The following AKT3 variants were observed in gnomAD, a reference collection of about 807,000 sequenced individuals.
The protein encoded by AKT3 is RAC-gamma serine/threonine-protein kinase.
AKT3 carries 15 observed loss-of-function variants against 65.3 expected under a neutral mutation model. The observed-to-expected ratio is 0.23, with a 90% CI of 0.15 to 0.35. The LOEUF is 0.35. AKT3 is among the 10% of genes least tolerant of loss of function. AKT3 has a pLI of 1.00. For missense variants in AKT3, 243 were observed against 576.5 expected, an observed-to-expected ratio of 0.42 and a Z score of 5.92; for synonymous variants, 206 against 183.8, an observed-to-expected ratio of 1.12 and a Z score of -0.98.
In AKT3 at chr1:243,504,302, C is replaced by A. The variant is rs983981409; in HGVS notation, c.*947G>T. 1 of 205,558 alleles carries A rather than the reference C, an allele frequency of 4.9e-6. No homozygotes were observed. Among genetic ancestry groups the A allele is most frequent in the South Asian group, 1.9e-4 (1 of 5,272 alleles). The allele number at this position is 205,558 out of a possible 1,614,324, so 12.7% of individuals were successfully genotyped here. ...CAACATCTGAGAAAAAGCTAATTCA[C>A]GTAGAACTGAAAGTAAAAAATTAAA... is the stretch of plus-strand genomic sequence containing the variant. On this transcript the variant is annotated 3_prime_UTR_variant, in exon 14 of 14. Coordinates refer to ENST00000673466, the MANE Select transcript of AKT3 (RefSeq NM_005465.7).
chr1:243,549,440 T>TA (rs945067273), intron 11 of AKT3, among the ~76,000 whole-genome samples: 29 of 151,988 alleles, frequency 1.9e-4, no homozygotes, highest in African/African-American at 6.5e-4. Context: ...ATATTCTTTT[T>TA]AAAAAAAAGA....
intron 2 of AKT3, among the ~76,000 whole-genome samples, chr1:243,707,202 G>A (rs1685858188): frequency 6.6e-6 from 1 of 152,148 alleles, no homozygotes; most frequent in South Asian, 2.1e-4. Context: ...TGTACAATAT[G>A]TTAGACTACA....
At chr1:243,611,546 T>C (rs1396782210) in intron 8 of AKT3, among the ~76,000 whole-genome samples, 5 of 152,030 alleles carry the variant, frequency 3.3e-5, no homozygotes, top group Non-Finnish European at 5.9e-5. Flanking sequence ...TAGCCAGGCA[T>C]GGTGATGCAT....
At chr1:243,811,036 A>T (rs887396246) in intron 2 of AKT3, among the ~76,000 whole-genome samples, 4 of 152,172 alleles carry the variant, frequency 2.6e-5, no homozygotes, top group African/African-American at 9.7e-5. Context: ...AAATAATAAG[A>T]GCTATTTATG....
intron 2 of AKT3, among the ~76,000 whole-genome samples, chr1:243,769,399 T>TGTACCA (rs1690031656): frequency 1.3e-5 from 2 of 152,218 alleles, no homozygotes; most frequent in South Asian, 4.1e-4. Context: ...CCAAAGCAGC[T>TGTACCA]GTACCATTTT....
chr1:243,827,206 T>C (rs1195234919), intron 2 of AKT3, among the ~76,000 whole-genome samples: 2 of 152,170 alleles, frequency 1.3e-5, no homozygotes, highest in Non-Finnish European at 2.9e-5. Context: ...AAGTGATAAC[T>C]CAGTAGTACA....
At chr1:243,505,486 A>G in intron 13 of AKT3, 152 bp from the exon 14 acceptor site, 1 of 615,168 alleles carries the variant, frequency 1.6e-6, no homozygotes, top group Admixed American at 3.0e-5. Context: ...TAGAGTAATT[A>G]TACTTCAAAA....
chr1:243,733,522 G>A (rs1251809028), intron 2 of AKT3, among the ~76,000 whole-genome samples: 1 of 152,048 alleles, frequency 6.6e-6, no homozygotes, highest in Non-Finnish European at 1.5e-5. Flanking sequence ...AATATTAAGT[G>A]AAAAAAGGAA....
intron 2 of AKT3, among the ~76,000 whole-genome samples, chr1:243,757,045 A>C (rs1253652269): frequency 2.6e-5 from 4 of 152,240 alleles, no homozygotes; most frequent in African/African-American, 9.6e-5. Context: ...AAAGCCATAA[A>C]AGGAAAGACT....
intron 12 of AKT3, among the ~76,000 whole-genome samples, chr1:243,523,487 A>G (rs1039866846): frequency 6.6e-6 from 1 of 152,208 alleles, no homozygotes; most frequent in African/African-American, 2.4e-5. Context: ...AAAAAGAAGT[A>G]TGTTTTTTGA....
At chr1:243,764,911 C>G (rs568819552) in intron 2 of AKT3, among the ~76,000 whole-genome samples, 1 of 152,040 alleles carries the variant, frequency 6.6e-6, no homozygotes, top group Non-Finnish European at 1.5e-5. Flanking sequence ...TGTATTTAAC[C>G]TTTTAATTAC....
intron 2 of AKT3, among the ~76,000 whole-genome samples, chr1:243,712,868 G>C (rs1221472417): frequency 6.6e-6 from 1 of 152,048 alleles, no homozygotes; most frequent in Non-Finnish European, 1.5e-5. Flanking sequence ...TGTCAAGAAT[G>C]TATCAGAAGG....
intron 3 of AKT3, among the ~76,000 whole-genome samples, chr1:243,665,340 C>A (rs1433954022): frequency 6.6e-6 from 1 of 152,132 alleles, no homozygotes; most frequent in African/African-American, 2.4e-5. Flanking sequence ...ATTACCATAT[C>A]CCTCATGTGT....
At chr1:243,755,555 G>C (rs188327738) in intron 2 of AKT3, among the ~76,000 whole-genome samples, 149 of 152,166 alleles carry the variant, frequency 9.8e-4, no homozygotes, top group African/African-American at 3.4e-3. Context: ...GATACATTTA[G>C]AGCTTCATGT....
In AKT3 at chr1:243,792,817, C is replaced by T. The variant is rs554483530; in HGVS notation, c.46+50308G>A. ...TAGAACTATTTTCCAATAATAAAGC[C>T]AAACATCAGCTATCAATCTAATAAT... is the stretch of plus-strand genomic sequence containing the variant. On this transcript the variant is annotated intron_variant, in intron 2 of 13. Transcript: ENST00000673466. Among the ~76,000 whole-genome samples, 5 of 152,274 alleles carry T rather than the reference C, an allele frequency of 3.3e-5. No individual in the cohort carries two copies. In the East Asian group the frequency reaches 7.7e-4, roughly 23 times the overall value.
chr1:243,690,234 C>T (rs922019322), intron 3 of AKT3, among the ~76,000 whole-genome samples: 5 of 152,060 alleles, frequency 3.3e-5, no homozygotes, highest in African/African-American at 9.7e-5. Context: ...CAAATGCACA[C>T]GTCCTCCATG....
chr1:243,571,638 T>C (rs1674574568), intron 9 of AKT3, among the ~76,000 whole-genome samples: 1 of 152,188 alleles, frequency 6.6e-6, no homozygotes, highest in Non-Finnish European at 1.5e-5. Flanking sequence ...CTTCTAAGTA[T>C]ATTTGGAAAG....
chr1:243,655,290 CTTTT>C (rs1681685194), intron 4 of AKT3, among the ~76,000 whole-genome samples: 2 of 151,360 alleles, frequency 1.3e-5, no homozygotes, highest in African/African-American at 4.8e-5. Context: ...GGGGCTCTTT[CTTTT>C]TAATTTTACC....
intron 4 of AKT3, among the ~76,000 whole-genome samples, chr1:243,663,802 T>G (rs190587554): frequency 1.4e-4 from 21 of 152,314 alleles, no homozygotes; most frequent in East Asian, 5.8e-4. Context: ...TAATAACATG[T>G]GCAGGATGGT....
Sources: gnomAD v4.1 joint callset for allele counts (sites outside exome capture counted in the v4.1 genomes callset) on GRCh38, gnomAD v4.1.1 for gene constraint, MANE v1.5 for transcripts, NCBI Gene and HGNC (gene_info 2026-07-23, HGNC 2026-07-21) for gene names.